Variants in CBY1 observed in about 807,000 individuals in gnomAD.
CBY1 encodes chibby 1, beta catenin antagonist, also known as protein chibby homolog 1.
CBY1 carries 10 observed loss-of-function variants against 15.6 expected under a neutral mutation model. That is an observed-to-expected ratio of 0.64 (90% CI 0.40 to 1.09). The LOEUF (loss-of-function observed/expected upper bound fraction) is 1.09, where lower values mean the gene tolerates loss of function less well. CBY1 is among the 50% of genes least tolerant of loss of function. The pLI is 0.01. For missense variants in CBY1, 150 were observed against 160.5 expected (o/e 0.93, Z 0.35); for synonymous variants, 61 against 63.5 (o/e 0.96, Z 0.19).
chr22:38,659,126 C>T (rs149381125), intron 1 of CBY1, among the ~76,000 whole-genome samples: 67 of 151,840 alleles, frequency 4.4e-4, no homozygotes, highest in East Asian at 1.6e-3. Flanking sequence ...AGTAGAAATG[C>T]GGTTTTGCCA....
chr22:38,664,006 A>T (rs2092429370), intron 1 of CBY1, among the ~76,000 whole-genome samples: 1 of 150,512 alleles, frequency 6.6e-6, no homozygotes, highest in Non-Finnish European at 1.5e-5. Context: ...TGGGTGACAG[A>T]GCGAGACTGT....
chr22:38,659,056 C>T (rs1342731533), intron 1 of CBY1, among the ~76,000 whole-genome samples: 5 of 152,142 alleles, frequency 3.3e-5, no homozygotes, highest in Non-Finnish European at 7.3e-5. Flanking sequence ...ATGCCTCAGC[C>T]TCCTGAGTAG....
chr22:38,658,469 A>AT (rs11433408), intron 1 of CBY1, among the ~76,000 whole-genome samples: 40,767 of 145,186 alleles, frequency 0.28, 5,622 homozygotes, highest in East Asian at 0.36. Flanking sequence ...ATTTTATTTT[A>AT]TTTTTTTTTG....
intron 1 of CBY1, among the ~76,000 whole-genome samples, chr22:38,659,071 G>A (rs575139222): frequency 1.3e-5 from 2 of 152,192 alleles, no homozygotes; most frequent in African/African-American, 4.8e-5. Context: ...GAGTAGCTGA[G>A]ATTACAGGCG....
intron 4 of CBY1, among the ~76,000 whole-genome samples, chr22:38,672,621 G>A (rs2092456192): frequency 6.6e-6 from 1 of 151,448 alleles, no homozygotes; most frequent in Non-Finnish European, 1.5e-5. Context: ...CGGCCTGGAT[G>A]TTTTTTTTTA....
intron 1 of CBY1, among the ~76,000 whole-genome samples, chr22:38,661,936 ATTG>A (rs372872879): frequency 5.4e-4 from 82 of 152,244 alleles, no homozygotes; most frequent in African/African-American, 1.9e-3. Context: ...TTGTGCCGTC[ATTG>A]TTGTTCTCTT....
chr22:38,669,320 G>T (rs111250990), intron 2 of CBY1, among the ~76,000 whole-genome samples: 1 of 152,104 alleles, frequency 6.6e-6, no homozygotes, highest in Non-Finnish European at 1.5e-5. Context: ...CCCAAGCCCC[G>T]TGTGAACCTC....
intron 2 of CBY1, chr22:38,669,803 ATATC>A (rs2092447268): frequency 2.0e-5 from 3 of 152,314 alleles, no homozygotes; most frequent in African/African-American, 7.2e-5. Context: ...GTAGAAATGA[ATATC>A]TAGGCCAGGC....
intron 1 of CBY1, among the ~76,000 whole-genome samples, chr22:38,663,523 C>T (rs1252355858): frequency 6.6e-6 from 1 of 151,218 alleles, no homozygotes; most frequent in African/African-American, 2.4e-5. Context: ...TAGAGAAACC[C>T]TGTCTCTACT....
At chr22:38,672,538 A>G (rs1416657579) in intron 4 of CBY1, among the ~76,000 whole-genome samples, 2 of 151,860 alleles carry the variant, frequency 1.3e-5, no homozygotes, top group Non-Finnish European at 2.9e-5. Flanking sequence ...CTGGTCTCCA[A>G]CGCCTGACCT....
chr22:38,670,839 G>C, intron 2 of CBY1, 45 bp from the exon 3 acceptor site: 1 of 1,299,342 alleles, frequency 7.7e-7, no homozygotes, highest in Non-Finnish European at 1.1e-6. Flanking sequence ...GGATGAAGGC[G>C]TGTTCCGGGC....
chr22:38,662,021 G>GC (rs1466419202), intron 1 of CBY1, among the ~76,000 whole-genome samples: 2 of 151,930 alleles, frequency 1.3e-5, no homozygotes, highest in Non-Finnish European at 2.9e-5. Flanking sequence ...AATAATATAG[G>GC]CCAGGCGTGG....
intron 2 of CBY1, chr22:38,670,564 AT>A (rs775616411): frequency 1.3e-5 from 3 of 225,708 alleles, no homozygotes; most frequent in Non-Finnish European, 2.6e-5. Context: ...TTTAAAAAGA[AT>A]TTTTCACTTG....
intron 1 of CBY1, among the ~76,000 whole-genome samples, chr22:38,657,385 T>C (rs1038577165): frequency 1.3e-5 from 2 of 152,208 alleles, no homozygotes; most frequent in Non-Finnish European, 2.9e-5. Flanking sequence ...GGATAAATGC[T>C]GGGGTCCCAC....
chr22:38,656,988 G>T (rs1219176970), intron 1 of CBY1: 1 of 178,834 alleles, frequency 5.6e-6, no homozygotes, highest in African/African-American at 2.4e-5. Flanking sequence ...GAGATCGTGC[G>T]TGTGAACGTT....
chr22:38,657,088 A>G (rs2145773728), intron 1 of CBY1: 1 of 981,756 alleles, frequency 1.0e-6, no homozygotes, highest in South Asian at 4.7e-5. Flanking sequence ...GGACACGTAT[A>G]TCTTTGAGAA....
intron 4 of CBY1, 70 bp from the exon 5 acceptor site, chr22:38,673,089 G>A: frequency 9.4e-7 from 1 of 1,061,440 alleles, no homozygotes; most frequent in Non-Finnish European, 1.4e-6. Context: ...CGTGTGTAGG[G>A]CCGGCCTTGC....
intron 1 of CBY1, among the ~76,000 whole-genome samples, chr22:38,657,822 G>C (rs2092405454): frequency 6.6e-6 from 1 of 152,150 alleles, no homozygotes; most frequent in Non-Finnish European, 1.5e-5. Flanking sequence ...CATCAGTGGG[G>C]ACTTGACTTA....
chr22:38,657,627 T>C (rs754174837), intron 1 of CBY1, among the ~76,000 whole-genome samples: 17 of 152,246 alleles, frequency 1.1e-4, no homozygotes, highest in Non-Finnish European at 2.1e-4. Flanking sequence ...CTTCCTCATC[T>C]GTAATACATG....
Sources: gnomAD v4.1 joint callset for allele counts (sites outside exome capture counted in the v4.1 genomes callset) on GRCh38, gnomAD v4.1.1 for gene constraint, MANE v1.5 for transcripts, NCBI Gene and HGNC (gene_info 2026-07-23, HGNC 2026-07-21) for gene names.